Variants in DMD observed in about 807,000 individuals in gnomAD.
The protein encoded by DMD is dystrophin.
DMD carries 63 observed loss-of-function variants against 330.1 expected under a neutral mutation model. The ratio of observed to expected loss-of-function variants is 0.19; its 90% confidence interval spans 0.16 to 0.24. The LOEUF is 0.24. Among genes scored for constraint, DMD ranks in the 10% least tolerant of loss-of-function variants. DMD has a pLI of 1.00. For synonymous variants in DMD, 1,223 were observed against 959.8 expected (o/e 1.27, Z -5.07); for missense variants, 3,344 against 2,684.1 (o/e 1.25, Z -5.43).
chrX:32,879,551 A>C (rs1268096971), intron 2 of DMD, among the ~76,000 whole-genome samples: 3 of 112,613 alleles, frequency 2.7e-5, no homozygotes, highest in African/African-American at 9.7e-5. Context: ...TCATTCAAAA[A>C]ATATTTATTG....
intron 54 of DMD, among the ~76,000 whole-genome samples, chrX:31,632,650 T>C (rs1036364505): frequency 9.0e-6 from 1 of 111,731 alleles, no homozygotes; most frequent in Non-Finnish European, 1.9e-5. Flanking sequence ...TTTGGTGAGA[T>C]ATAGGTCAGA....
intron 1 of DMD, among the ~76,000 whole-genome samples, chrX:33,114,787 C>T (rs1192014296): frequency 3.6e-5 from 4 of 112,014 alleles, no homozygotes; most frequent in East Asian, 5.6e-4. Context: ...ATTAATAGTG[C>T]CTGTGTTTAA....
chrX:32,589,013 G>T (rs868816813), intron 13 of DMD, among the ~76,000 whole-genome samples: 5 of 111,687 alleles, frequency 4.5e-5, no homozygotes, highest in Non-Finnish European at 9.4e-5. Flanking sequence ...ATAATTAGAA[G>T]AAAATGGACT....
In DMD at chrX:31,963,172, A is replaced by C. The variant is rs2095322374; in HGVS notation, c.6614+5167T>G. On this transcript the variant is annotated intron_variant, in intron 45 of 78. Transcript: ENST00000357033. ...GGACCAACCAGGCCTACTTTAATGA[A>C]TTAGATAAGGCTCATTTCTAATCAA... is the stretch of plus-strand genomic sequence containing the variant. Among the ~76,000 whole-genome samples the C allele has an allele frequency of 4.5e-5, 5 of 112,018 alleles. No homozygotes were observed. In the South Asian group the frequency reaches 1.8e-3, roughly 41 times the overall value.
intron 64 of DMD, among the ~76,000 whole-genome samples, chrX:31,220,204 G>A (rs1431720957): frequency 1.8e-5 from 2 of 111,499 alleles, no homozygotes; most frequent in Non-Finnish European, 3.8e-5. Flanking sequence ...TAAGCAACAC[G>A]TGACTGTACA....
At chrX:31,452,552 C>T (rs1325829251) in intron 59 of DMD, among the ~76,000 whole-genome samples, 1 of 111,903 alleles carries the variant, frequency 8.9e-6, no homozygotes, top group Non-Finnish European at 1.9e-5. Flanking sequence ...CATTGCACTC[C>T]AGCCTGGGCA....
intron 55 of DMD, among the ~76,000 whole-genome samples, chrX:31,559,573 G>A (rs1221415003): frequency 1.4e-5 from 1 of 69,390 alleles, no homozygotes; most frequent in Non-Finnish European, 2.5e-5. Flanking sequence ...CCCGGGAGGC[G>A]GAGCTTGCAG....
chrX:32,668,002 A>G (rs2061418042), intron 9 of DMD, among the ~76,000 whole-genome samples: 1 of 110,256 alleles, frequency 9.1e-6, no homozygotes, highest in Admixed American at 9.6e-5. Flanking sequence ...TACAAAAATT[A>G]GTCGGGCATG....
At chrX:32,822,042 A>G (rs1019910972) in intron 5 of DMD, among the ~76,000 whole-genome samples, 1 of 111,593 alleles carries the variant, frequency 9.0e-6, no homozygotes, top group African/African-American at 3.3e-5. Flanking sequence ...ATGGTCTAAC[A>G]ATTACATTTC....
At chrX:32,568,105 C>T (rs1168370820) in intron 15 of DMD, among the ~76,000 whole-genome samples, 2 of 111,989 alleles carry the variant, frequency 1.8e-5, no homozygotes, top group African/African-American at 6.5e-5. Context: ...CAATAAAAAC[C>T]TATGAGTAAC....
At chrX:32,167,715 G>T (rs1603627523) in intron 44 of DMD, among the ~76,000 whole-genome samples, 1 of 112,020 alleles carries the variant, frequency 8.9e-6, no homozygotes, top group Middle Eastern at 4.6e-3. Flanking sequence ...GGGATGAATA[G>T]GCATGAAGGA....
intron 41 of DMD, among the ~76,000 whole-genome samples, chrX:32,317,839 CTTT>C (rs34543898): frequency 3.0e-5 from 3 of 101,041 alleles, no homozygotes; most frequent in Non-Finnish European, 6.0e-5. Context: ...GTGATGGAGC[CTTT>C]TTTTTTTTAA....
intron 44 of DMD, among the ~76,000 whole-genome samples, chrX:31,975,198 CTTTG>C (rs1386928258): frequency 9.0e-6 from 1 of 111,321 alleles, no homozygotes; most frequent in Non-Finnish European, 1.9e-5. Flanking sequence ...GGCGTTAGAA[CTTTG>C]TTTGATTAAT....
At chrX:31,472,734 A>T (rs2067392161) in intron 59 of DMD, among the ~76,000 whole-genome samples, 1 of 112,220 alleles carries the variant, frequency 8.9e-6, no homozygotes, top group South Asian at 3.7e-4. Flanking sequence ...ACTTCATCAT[A>T]ATTTCTAGCC....
chrX:32,768,342 G>A (rs1465131748), intron 7 of DMD, among the ~76,000 whole-genome samples: 1 of 111,482 alleles, frequency 9.0e-6, no homozygotes, highest in African/African-American at 3.3e-5. Context: ...TCGTAACAAT[G>A]AAAAACAAAA....
intron 8 of DMD, 67 bp downstream of exon 8, chrX:32,699,045 G>C: frequency 1.0e-6 from 1 of 975,237 alleles, no homozygotes; most frequent in South Asian, 1.9e-5. Context: ...ATATGTGCAC[G>C]TAATACCTAA....
intron 43 of DMD, among the ~76,000 whole-genome samples, chrX:32,229,237 G>C (rs756944998): frequency 6.3e-5 from 7 of 110,659 alleles, no homozygotes; most frequent in African/African-American, 2.3e-4. Flanking sequence ...TTCTGATCAT[G>C]AAATTTATAT....
intron 2 of DMD, among the ~76,000 whole-genome samples, chrX:33,007,048 C>T (rs73188265): frequency 0.018 from 2,011 of 110,867 alleles, 28 homozygotes; most frequent in South Asian, 0.15. Context: ...GCCACACGCA[C>T]ACACCCAGCC....
At chrX:32,574,958 C>T (rs2052866067) in intron 13 of DMD, among the ~76,000 whole-genome samples, 1 of 108,676 alleles carries the variant, frequency 9.2e-6, no homozygotes, top group Admixed American at 9.9e-5. Context: ...AGTGCAATGG[C>T]ACTATCTCAG....
Sources: allele counts gnomAD v4.1 joint callset (sites outside exome capture counted in the v4.1 genomes callset), GRCh38; gene constraint gnomAD v4.1.1; transcripts MANE v1.5; gene names NCBI Gene and HGNC (gene_info 2026-07-23, HGNC 2026-07-21).